The following MRGBP variants were observed in gnomAD, a reference collection of about 807,000 sequenced individuals.
The protein encoded by MRGBP is MRG domain binding protein.
Under a neutral mutation model 21.5 loss-of-function variants are expected in MRGBP, and 5 were observed. That is an observed-to-expected ratio of 0.23 (90% CI 0.12 to 0.49). MRGBP has a LOEUF of 0.49. MRGBP is among the 20% of genes least tolerant of loss of function. MRGBP has a pLI of 0.98. For missense variants in MRGBP, 227 were observed against 277.4 expected (o/e 0.82, Z 1.29); for synonymous variants, 118 against 104.4 (o/e 1.13, Z -0.79).
rs1180271207 is a variant in MRGBP, at chr20:62,801,650, A to G, written c.*2007A>G. ...GCTCGCCACCCAGGCTCACTGTCCTAAACCTCCATCTGAAACCGCATCTCG... is the reference window on the plus strand; with the variant it reads ...GCTCGCCACCCAGGCTCACTGTCCTGAACCTCCATCTGAAACCGCATCTCG... On this transcript the variant is annotated 3_prime_UTR_variant, in exon 5 of 5. Transcript: ENST00000370487. 6.6e-6 allele frequency: 1 copy of G among 152,280 alleles called. No individual in the cohort carries two copies. The highest frequency in any genetic ancestry group is 1.5e-5 in the Non-Finnish European group (1 of 68,046). 9.4% of individuals were successfully genotyped at this position (152,280 alleles called of 1,614,324 possible). A position where few individuals can be genotyped will look rare whatever the true frequency, so the allele number is the denominator to read the frequency against.
At position 62,799,865 on chromosome 20, in the gene MRGBP, C is replaced by T. The variant is rs1445128219; in HGVS notation, c.*222C>T. On this transcript the variant is annotated 3_prime_UTR_variant, in exon 5 of 5. Transcript: ENST00000370487. ...CCTGATGGACCTGAAAGACCAGGATCGGTCCAGCTCAGATATTGAGGGCTC... is the reference window on the plus strand; with the variant it reads ...CCTGATGGACCTGAAAGACCAGGATTGGTCCAGCTCAGATATTGAGGGCTC... 6 of 522,366 alleles carry T rather than the reference C, an allele frequency of 1.1e-5. No homozygotes were observed. The highest frequency in any genetic ancestry group is 3.8e-5 in the African/African-American group (2 of 52,726). The allele number at this position is 522,366 out of a possible 1,614,324, so 32.4% of individuals were successfully genotyped here.
intron 4 of MRGBP, 79 bp from the exon 5 acceptor site, chr20:62,799,377 G>C: frequency 6.7e-7 from 1 of 1,486,250 alleles, no homozygotes; most frequent in Non-Finnish European, 9.1e-7. Flanking sequence ...TCAGTATGCA[G>C]ATTTTTTTAA....
At chr20:62,799,146 G>A (rs990531570) in intron 4 of MRGBP, 97 bp downstream of exon 4, 21 of 1,303,956 alleles carry the variant, frequency 1.6e-5, no homozygotes, top group Admixed American at 4.3e-5. Flanking sequence ...TAGAGCCTGC[G>A]GTGCAGAGGC....
rs1017728704 is a variant in MRGBP at position 62,796,509 on chromosome 20, G to T, written c.-15G>T. On this transcript the variant is annotated 5_prime_UTR_variant, in exon 1 of 5. Coordinates refer to ENST00000370487, the MANE Select transcript of MRGBP (RefSeq NM_018270.6). ...TGCTCCCGCCGGGGGCTCCTTGCTC[G>T]GCCGGGCCGCGGCCATGGGAGAGGC... 8.8e-6 allele frequency: 10 copies of T among 1,138,528 alleles called. No individual in the cohort carries two copies. Among genetic ancestry groups the T allele is most frequent in the Middle Eastern group, 7.4e-4 (2 of 2,700 alleles). The allele number at this position is 1,138,528 out of a possible 1,614,324, so 70.5% of individuals were successfully genotyped here.
At chr20:62,799,361 C>A (rs997345265) in intron 4 of MRGBP, 95 bp from the exon 5 acceptor site, 44 of 1,335,694 alleles carry the variant, frequency 3.3e-5, no homozygotes, top group Admixed American at 4.7e-5. Flanking sequence ...TTCAGAGGGT[C>A]ACGTGTCAGT....
intron 1 of MRGBP, among the ~76,000 whole-genome samples, 177 bp downstream of exon 1, chr20:62,796,848 C>A (rs1474840953): frequency 7.2e-6 from 1 of 139,114 alleles, no homozygotes; most frequent in Admixed American, 7.0e-5. Flanking sequence ...CGGACCCCGC[C>A]CCGGACCCCG....
chr20:62,797,470 T>C (rs2273077), intron 2 of MRGBP, among the ~76,000 whole-genome samples: 87,263 of 152,098 alleles, frequency 0.57, 26,788 homozygotes, highest in African/African-American at 0.81. Context: ...GCAGTGAGGC[T>C]CGTCCTTAAG....
At position 62,801,108 on chromosome 20, in the gene MRGBP, C is replaced by G. The variant is rs1990451413; in HGVS notation, c.*1465C>G. The G allele has an allele frequency of 6.6e-6, 1 of 152,290 alleles. No individual in the cohort carries two copies. Among genetic ancestry groups the G allele is most frequent in the Non-Finnish European group, 1.5e-5 (1 of 68,062 alleles). 9.4% of individuals were successfully genotyped at this position (152,290 alleles called of 1,614,324 possible). A position where few individuals can be genotyped will look rare whatever the true frequency, so the allele number is the denominator to read the frequency against. ...AAGGGGCAAAGCCAGGAATCCCGTGCCATGTGATCGCCCCGTGTGGCACCT... is the reference window on the plus strand; with the variant it reads ...AAGGGGCAAAGCCAGGAATCCCGTGGCATGTGATCGCCCCGTGTGGCACCT... On this transcript the variant is annotated 3_prime_UTR_variant, in exon 5 of 5. Coordinates refer to ENST00000370487, the MANE Select transcript of MRGBP (RefSeq NM_018270.6).
At chr20:62,796,706 G>A (rs1990342785) in intron 1 of MRGBP, 35 bp downstream of exon 1, 2 of 1,256,842 alleles carry the variant, frequency 1.6e-6, no homozygotes, top group Non-Finnish European at 1.0e-6. Flanking sequence ...CGTGGGGGCG[G>A]GGCGGGCAAC....
At position 62,798,648 on chromosome 20, in the gene MRGBP, T is replaced by G. The variant is rs1262329646; in HGVS notation, c.332T>G (p.Ile111Ser). Residue 111 changes from isoleucine (I) to serine (S), a missense_variant, in exon 3 of 5, where the codon ATC (isoleucine) becomes AGC (serine). Physicochemically the swap from Ile to Ser is moderately radical, Grantham distance 142. Coordinates refer to ENST00000370487, the MANE Select transcript of MRGBP (RefSeq NM_018270.6). The stretch of plus-strand genomic sequence containing the variant: ...AGGAACTTCGTCCTTCCAGAAGAGA[T>G]CATTCAGGAGGTCCGAGAAGGTGAG... ...PERNFVLPEE[I>S]IQEVREGKVM... is the part of the protein sequence containing the mutation. 6.2e-7 allele frequency: 1 copy of G among 1,613,664 alleles called. No homozygotes were observed.
chr20:62,798,781 C>T (rs1990391340), intron 3 of MRGBP, 113 bp downstream of exon 3: 1 of 1,581,382 alleles, frequency 6.3e-7, no homozygotes, highest in East Asian at 2.2e-5. Context: ...GGGTCCAGCG[C>T]AGACCCCGCC....
At position 62,801,029 on chromosome 20, in the gene MRGBP, C is replaced by T. The variant is rs1990448955; in HGVS notation, c.*1386C>T. On this transcript the variant is annotated 3_prime_UTR_variant, in exon 5 of 5. Coordinates refer to ENST00000370487, the MANE Select transcript of MRGBP (RefSeq NM_018270.6). ...CTCCACCACCTGGGAACATCCCTGGCCATCTGTCCCTGAAGTCCTCCTCAC... is the reference window on the plus strand; with the variant it reads ...CTCCACCACCTGGGAACATCCCTGGTCATCTGTCCCTGAAGTCCTCCTCAC... 6.6e-6 allele frequency: 1 copy of T among 152,262 alleles called. No homozygotes were observed. The highest frequency in any genetic ancestry group is 1.5e-5 in the Non-Finnish European group (1 of 68,068). The allele number at this position is 152,262 out of a possible 1,614,324, so 9.4% of individuals were successfully genotyped here.
rs903860521 is a variant in MRGBP, at chr20:62,799,654, C to T, written c.*11C>T. On this transcript the variant is annotated 3_prime_UTR_variant, in exon 5 of 5. Transcript: ENST00000370487. The stretch of plus-strand genomic sequence containing the variant: ...CGGCGCCGCACGTAGACCCTCAGCC[C>T]TGGTGGCGGCAGAGAAGCGGGCGAG... 5 of 1,601,302 alleles carry T rather than the reference C, an allele frequency of 3.1e-6. No homozygotes were observed. Among genetic ancestry groups the T allele is most frequent in the Middle Eastern group, 1.8e-4 (1 of 5,634 alleles).
Position 62,800,649 on chromosome 20 carries a change from G to A in MRGBP, c.*1006G>A, listed in dbSNP as rs377621095. On this transcript the variant is annotated 3_prime_UTR_variant, in exon 5 of 5. Coordinates refer to ENST00000370487, the MANE Select transcript of MRGBP (RefSeq NM_018270.6). ...AAGTTCACTTTTCCTCCAAAAGGAA[G>A]TTTTTATTTTTCCAAGATTTATAAC... 7 of 152,324 alleles carry A rather than the reference G, an allele frequency of 4.6e-5. No homozygotes were observed. In the East Asian group the frequency reaches 7.7e-4, roughly 17 times the overall value. 9.4% of individuals were successfully genotyped at this position (152,324 alleles called of 1,614,324 possible).
rs755705192 is a variant in MRGBP, at chr20:62,798,668, G to A, written c.352G>A (p.Gly118Arg). ...PEEIIQEVRE[G>R]KVMIEEEMKE... ...AGAGATCATTCAGGAGGTCCGAGAA[G>A]GTGAGGCTCGGGAAAGGTTGGGCTT... Residue 118 changes from glycine (G) to arginine (R), a missense_variant and splice_region_variant, in exon 3 of 5, where the codon GGA (glycine) becomes AGA (arginine). Transcript: ENST00000370487. 6.2e-7 allele frequency: 1 copy of A among 1,613,614 alleles called. No homozygotes were observed. Among genetic ancestry groups the A allele is most frequent in the Non-Finnish European group, 8.5e-7 (1 of 1,179,764 alleles).
At position 62,797,212 on chromosome 20, in the gene MRGBP, T is replaced by C; in HGVS notation, c.251T>C (p.Met84Thr). 1 of 1,595,124 alleles carries C rather than the reference T, an allele frequency of 6.3e-7. No individual in the cohort carries two copies. Among genetic ancestry groups the C allele is most frequent in the Non-Finnish European group, 8.5e-7 (1 of 1,172,304 alleles). Residue 84 changes from methionine to threonine, a missense_variant, in exon 2 of 5, where the codon ATG (methionine) becomes ACG (threonine). Met to Thr is a moderately conservative substitution (Grantham distance 81). Around this residue, in one of 2 missense-constraint regions of MRGBP, gnomAD observed 162 missense variants for 227.7 expected, o/e 0.71. Coordinates refer to ENST00000370487, the MANE Select transcript of MRGBP (RefSeq NM_018270.6). The part of the protein sequence containing the change: ...SKVIWDHLST[M>T]YDMQALHESE... ...GTCATCTGGGACCATCTGAGCACCA[T>C]GTACGACATGCAGGCGCTGGTGAGC...
rs1241565011 is a variant in MRGBP, at chr20:62,797,327, TGTCTGCTGGG to T, written c.270+107_270+116del. The T allele has an allele frequency of 1.7e-5, 25 of 1,441,646 alleles. No individual in the cohort carries two copies. In the East Asian group the frequency reaches 5.9e-4, roughly 34 times the overall value. The allele number at this position is 1,441,646 out of a possible 1,614,324, so 89.3% of individuals were successfully genotyped here. A position where few individuals can be genotyped will look rare whatever the true frequency, so the allele number is the denominator to read the frequency against. Reference sequence around the variant, plus strand: ...CCTGAGCTGGGCAGAGGCCCCTCCATGTCTGCTGGGGTCTGCTGGGCAGAGTAGAGGCCCC... The same window carrying T: ...CCTGAGCTGGGCAGAGGCCCCTCCATGTCTGCTGGGCAGAGTAGAGGCCCC... On this transcript the variant is annotated intron_variant, in intron 2 of 4. Coordinates refer to ENST00000370487, the MANE Select transcript of MRGBP (RefSeq NM_018270.6).
rs1437218677 is a variant in MRGBP at position 62,798,612 on chromosome 20, C to T, written c.296C>T (p.Pro99Leu). The T allele has an allele frequency of 5.0e-6, 8 of 1,613,628 alleles. No individual in the cohort carries two copies. The highest frequency in any genetic ancestry group is 6.8e-6 in the Non-Finnish European group (8 of 1,179,780). The change falls in exon 3 of 5, where the codon CCG becomes CTG. Residue 99 changes from proline to leucine, a missense_variant. Around this residue, in one of 2 missense-constraint regions of MRGBP, gnomAD observed 162 missense variants for 227.7 expected, o/e 0.71. Coordinates refer to ENST00000370487, the MANE Select transcript of MRGBP (RefSeq NM_018270.6). Reference sequence around the variant, plus strand: ...CATGAGTCTGAGATTCTTCCATTCCCGAATCCAGAGAGGAACTTCGTCCTT... The same window carrying T: ...CATGAGTCTGAGATTCTTCCATTCCTGAATCCAGAGAGGAACTTCGTCCTT... ...ALHESEILPF[P>L]NPERNFVLPE...
At chr20:62,798,772 G>A (rs1990390985) in intron 3 of MRGBP, 104 bp downstream of exon 3, 2 of 1,585,162 alleles carry the variant, frequency 1.3e-6, no homozygotes, top group Admixed American at 1.7e-5. Context: ...GAGGTGTGAG[G>A]GTCCAGCGCA....
Sources: allele counts gnomAD v4.1 joint callset (sites outside exome capture counted in the v4.1 genomes callset), GRCh38; gene constraint gnomAD v4.1.1; regional missense constraint gnomAD v4.1.1; transcripts MANE v1.5; gene names NCBI Gene and HGNC (gene_info 2026-07-23, HGNC 2026-07-21).